The following TBXAS1 variants were observed in gnomAD, a reference collection of about 807,000 sequenced individuals.
The protein encoded by TBXAS1 is thromboxane-A synthase.
In TBXAS1, 48 loss-of-function variants were observed where a neutral mutation model predicts 60.7. The observed-to-expected ratio is 0.79, with a 90% CI of 0.63 to 1.01. The LOEUF (loss-of-function observed/expected upper bound fraction) is 1.01, where lower values mean the gene tolerates loss of function less well. Ranked by LOEUF, TBXAS1 falls within the 50% of genes least tolerant of loss-of-function variation. The pLI, the probability that TBXAS1 is intolerant of heterozygous loss-of-function variation, is 0.00. For missense variants in TBXAS1, 685 were observed against 686.3 expected (o/e 1.00, Z 0.02); for synonymous variants, 287 against 269.7 (o/e 1.06, Z -0.63).
chr7:139,962,058 G>A lies in TBXAS1; in HGVS notation c.959G>A (p.Ser320Asn). Residue 320 changes from serine (S) to asparagine (N), a missense_variant, in exon 9 of 13, where the codon AGC becomes AAC. By Grantham distance (46) the Ser-to-Asn change is conservative (BLOSUM62 1). Transcript: ENST00000448866. ...AACCCTTCCCGGCAACACCAGCCCA[G>A]CCCTATGGCCAGGCCTTTGACTGTG... is the stretch of plus-strand genomic sequence containing the variant. ...KPNPSRQHQP[S>N]PMARPLTVDE... 1 of 1,614,232 alleles carries A rather than the reference G, an allele frequency of 6.2e-7. No homozygotes were observed.
chr7:139,809,315 G>A (rs1335076703), intron 4 of TBXAS1, among the ~76,000 whole-genome samples: 1 of 141,114 alleles, frequency 7.1e-6, no homozygotes, highest in Non-Finnish European at 1.5e-5. Context: ...ACAACCAATA[G>A]GAGATTAGAT....
intron 1 of TBXAS1, among the ~76,000 whole-genome samples, chr7:139,855,934 T>C (rs1304444126): frequency 6.6e-6 from 1 of 152,194 alleles, no homozygotes; most frequent in African/African-American, 2.4e-5. Context: ...CTTTGAAACA[T>C]TAATTAAAGA....
intron 8 of TBXAS1, among the ~76,000 whole-genome samples, chr7:139,959,141 T>C (rs944199746): frequency 1.6e-4 from 24 of 152,340 alleles, no homozygotes; most frequent in Admixed American, 6.5e-4. Flanking sequence ...ATTACTGGGA[T>C]TGCCTAGAGC....
At chr7:139,892,549 T>C (rs1174578811) in intron 3 of TBXAS1, among the ~76,000 whole-genome samples, 1 of 152,080 alleles carries the variant, frequency 6.6e-6, no homozygotes, top group Non-Finnish European at 1.5e-5. Context: ...GCTGAGATCA[T>C]GCCACTGCAC....
At chr7:139,927,855 T>C (rs1235730880) in intron 4 of TBXAS1, among the ~76,000 whole-genome samples, 2 of 152,208 alleles carry the variant, frequency 1.3e-5, no homozygotes, top group African/African-American at 4.8e-5. Flanking sequence ...ATTAAATTTG[T>C]ATCCAACAAT....
At chr7:139,906,685 C>G (rs1805109206) in intron 3 of TBXAS1, among the ~76,000 whole-genome samples, 1 of 152,170 alleles carries the variant, frequency 6.6e-6, no homozygotes, top group Non-Finnish European at 1.5e-5. Context: ...ATTGGAATTG[C>G]ATTAAACTGA....
At chr7:139,811,909 G>A (rs549742791) in intron 4 of TBXAS1, among the ~76,000 whole-genome samples, 2 of 152,260 alleles carry the variant, frequency 1.3e-5, no homozygotes, top group East Asian at 3.9e-4. Flanking sequence ...GTACCCTTTC[G>A]AGCAATTGCA....
intron 1 of TBXAS1, among the ~76,000 whole-genome samples, chr7:139,846,724 G>C (rs1799832243): frequency 6.6e-6 from 1 of 152,126 alleles, no homozygotes; most frequent in Non-Finnish European, 1.5e-5. Flanking sequence ...AATAATCCTG[G>C]ACTTATACCA....
chr7:139,995,362 G>A (rs1256974546), intron 9 of TBXAS1, among the ~76,000 whole-genome samples: 1 of 152,146 alleles, frequency 6.6e-6, no homozygotes, highest in Non-Finnish European at 1.5e-5. Context: ...ACACGAAGAT[G>A]AGGGATGGGA....
Position 139,914,866 on chromosome 7 carries a change from C to T in TBXAS1, c.333+3545C>T, listed in dbSNP as rs527546811. ...AACTGTATCTTGTATTTTTTTTAAA[C>T]CCCATGACATAAACACATATTGACT... On this transcript the variant is annotated intron_variant, in intron 4 of 12. Transcript: ENST00000448866. Among the ~76,000 whole-genome samples the T allele has an allele frequency of 2.0e-4, 31 of 152,172 alleles. No homozygotes were observed. The South Asian group carries it at 5.0e-3, about 24-fold the overall frequency.
intron 1 of TBXAS1, among the ~76,000 whole-genome samples, chr7:139,870,732 T>C (rs1276642428): frequency 6.6e-6 from 1 of 152,208 alleles, no homozygotes; most frequent in African/African-American, 2.4e-5. Context: ...TTAGGATAAC[T>C]TGGGATAGAG....
chr7:139,877,106 C>T (rs577662339), intron 3 of TBXAS1, among the ~76,000 whole-genome samples: 6 of 152,300 alleles, frequency 3.9e-5, no homozygotes, highest in African/African-American at 1.4e-4. Flanking sequence ...AAGATGTGGG[C>T]AGGAGGGCAC....
At chr7:139,884,373 T>A (rs901333512) in intron 3 of TBXAS1, among the ~76,000 whole-genome samples, 1 of 152,232 alleles carries the variant, frequency 6.6e-6, no homozygotes, top group South Asian at 2.1e-4. Flanking sequence ...CTCTGTAAGA[T>A]TTTTGCATTG....
chr7:139,819,907 A>C (rs142928851), intron 4 of TBXAS1, among the ~76,000 whole-genome samples: 4 of 151,688 alleles, frequency 2.6e-5, no homozygotes, highest in Admixed American at 1.3e-4. Flanking sequence ...AGAACTTCGA[A>C]TTATCTTCTG....
At position 139,955,559 on chromosome 7, in the gene TBXAS1, A is replaced by C. The variant is rs1433962551; in HGVS notation, c.640A>C (p.Lys214Gln). ...APEDPFVKHC[K>Q]RFFEFCIPRP... Reference sequence around the variant, plus strand: ...TGAGGATCCCTTTGTGAAACACTGCAAGCGTTTCTTCGAATTCTGCATCCC... The same window carrying C: ...TGAGGATCCCTTTGTGAAACACTGCCAGCGTTTCTTCGAATTCTGCATCCC... Residue 214 changes from lysine (K) to glutamine (Q), a missense_variant, in exon 7 of 13, where the codon AAG becomes CAG. Coordinates refer to ENST00000448866, the MANE Select transcript of TBXAS1 (RefSeq NM_001061.7). 2.5e-6 allele frequency: 4 copies of C among 1,614,070 alleles called. No individual in the cohort carries two copies. Among genetic ancestry groups the C allele is most frequent in the Non-Finnish European group, 3.4e-6 (4 of 1,180,034 alleles).
At chr7:139,859,422 G>A (rs893100124) in intron 1 of TBXAS1, among the ~76,000 whole-genome samples, 5 of 145,562 alleles carry the variant, frequency 3.4e-5, no homozygotes, top group East Asian at 2.1e-4. Flanking sequence ...TAGCCAGGAT[G>A]GTCTCAATCT....
intron 8 of TBXAS1, among the ~76,000 whole-genome samples, chr7:139,960,985 A>G (rs1261408574): frequency 6.6e-6 from 1 of 152,230 alleles, no homozygotes; most frequent in Non-Finnish European, 1.5e-5. Flanking sequence ...GGGATGTTCT[A>G]GGAATAAGCT....
chr7:139,918,804 A>G (rs534100644), intron 4 of TBXAS1, among the ~76,000 whole-genome samples: 1 of 152,218 alleles, frequency 6.6e-6, no homozygotes, highest in South Asian at 2.1e-4. Context: ...CTGTGGACAC[A>G]TCTCACAACC....
chr7:140,009,907 T>C (rs1439915537), intron 10 of TBXAS1, among the ~76,000 whole-genome samples: 10 of 19,476 alleles, frequency 5.1e-4, no homozygotes, highest in African/African-American at 1.9e-3. Context: ...CCCCACACCT[T>C]CACACCTGCC....
Sources: gnomAD v4.1 joint callset for allele counts (sites outside exome capture counted in the v4.1 genomes callset) on GRCh38, gnomAD v4.1.1 for gene constraint, MANE v1.5 for transcripts, NCBI Gene and HGNC (gene_info 2026-07-23, HGNC 2026-07-21) for gene names.